The following KCNK13 variants were observed in gnomAD, a reference collection of about 807,000 sequenced individuals.
The protein encoded by KCNK13 is potassium channel subfamily K member 13.
Under a neutral mutation model 23.4 loss-of-function variants are expected in KCNK13, and 12 were observed. That is an observed-to-expected ratio of 0.51 (90% confidence interval 0.33 to 0.83). The LOEUF (loss-of-function observed/expected upper bound fraction) is 0.83. KCNK13 is among the 40% of genes least tolerant of loss of function. The pLI, the probability that KCNK13 is intolerant of heterozygous loss-of-function variation, is 0.02. For missense variants in KCNK13, 463 were observed against 556.3 expected (o/e 0.83, Z 1.69); for synonymous variants, 231 against 229.5 (o/e 1.01, Z -0.06).
At chr14:90,137,824 G>T (rs1436884999) in intron 1 of KCNK13, among the ~76,000 whole-genome samples, 1 of 152,182 alleles carries the variant, frequency 6.6e-6, no homozygotes, top group Non-Finnish European at 1.5e-5. Context: ...GTAATAAGTT[G>T]CTTACACACA....
intron 1 of KCNK13, among the ~76,000 whole-genome samples, chr14:90,104,494 C>A (rs774616033): frequency 8.5e-5 from 13 of 152,188 alleles, no homozygotes; most frequent in Non-Finnish European, 1.6e-4. Context: ...TTGTCCCTGT[C>A]ACACATACAT....
At chr14:90,155,796 A>C (rs963632251) in intron 1 of KCNK13, among the ~76,000 whole-genome samples, 1 of 152,178 alleles carries the variant, frequency 6.6e-6, no homozygotes, top group Non-Finnish European at 1.5e-5. Context: ...AAGGAATTCC[A>C]TTTTGGACCT....
At chr14:90,175,226 C>T (rs1057000656) in intron 1 of KCNK13, among the ~76,000 whole-genome samples, 5 of 152,142 alleles carry the variant, frequency 3.3e-5, no homozygotes, top group African/African-American at 1.2e-4. Flanking sequence ...ACCTAGGTAC[C>T]TGGAATTTCC....
chr14:90,065,825 C>A (rs1266409429), intron 1 of KCNK13, among the ~76,000 whole-genome samples: 1 of 152,090 alleles, frequency 6.6e-6, no homozygotes, highest in Non-Finnish European at 1.5e-5. Flanking sequence ...TAACACGATC[C>A]CAAGGAATGG....
intron 1 of KCNK13, among the ~76,000 whole-genome samples, chr14:90,152,679 G>A (rs1365849185): frequency 6.6e-6 from 1 of 152,162 alleles, no homozygotes; most frequent in Non-Finnish European, 1.5e-5. Context: ...TTAGCAGTGT[G>A]AGAATGGTCT....
intron 1 of KCNK13, among the ~76,000 whole-genome samples, chr14:90,095,316 A>G (rs772310958): frequency 1.3e-5 from 2 of 151,976 alleles, no homozygotes; most frequent in Non-Finnish European, 2.9e-5. Flanking sequence ...CTAGGAAACT[A>G]AAAAAAATGT....
At position 90,184,312 on chromosome 14, in the gene KCNK13, C is replaced by T. The variant is rs537906670; in HGVS notation, c.536C>T (p.Ala179Val). The T allele has an allele frequency of 1.5e-5, 25 of 1,614,104 alleles. No individual in the cohort carries two copies. The highest frequency in any genetic ancestry group is 6.7e-5 in the African/African-American group (5 of 74,946). Residue 179 changes from alanine (A) to valine (V), a missense_variant, in exon 2 of 2, where the codon GCG (alanine) becomes GTG (valine). Physicochemically the swap from Ala to Val is moderately conservative, Grantham distance 64. Coordinates refer to ENST00000282146, the MANE Select transcript of KCNK13 (RefSeq NM_022054.4). This position sits in a 1 kb window ranked among gnomAD's most constrained non-coding sequence, Gnocchi z 5.6. ...GALPQESLKD[A>V]GQCEVDSLAG... is the part of the protein sequence containing the mutation. ...CTGCCCCAGGAGAGCCTGAAGGATGCGGGGCAGTGTGAGGTGGACAGCCTG... is the reference window on the plus strand; with the variant it reads ...CTGCCCCAGGAGAGCCTGAAGGATGTGGGGCAGTGTGAGGTGGACAGCCTG...
intron 1 of KCNK13, among the ~76,000 whole-genome samples, chr14:90,125,629 GCACA>G (rs957912216): frequency 7.9e-6 from 1 of 126,900 alleles, no homozygotes; most frequent in South Asian, 2.7e-4. Context: ...ACACACACGC[GCACA>G]CACACACAAT....
At chr14:90,070,497 A>G (rs563151581) in intron 1 of KCNK13, among the ~76,000 whole-genome samples, 52 of 152,344 alleles carry the variant, frequency 3.4e-4, no homozygotes, top group African/African-American at 1.2e-3. Context: ...CCCTGTCTAA[A>G]GACTGAATGT....
At position 90,184,723 on chromosome 14, in the gene KCNK13, C is replaced by A. The variant is rs1359369711; in HGVS notation, c.947C>A (p.Pro316Gln). The change falls in exon 2 of 2, where the codon CCA becomes CAA. Residue 316 changes from proline to glutamine, a missense_variant. Coordinates refer to ENST00000282146, the MANE Select transcript of KCNK13 (RefSeq NM_022054.4). This position sits in a 1 kb window ranked among gnomAD's most constrained non-coding sequence, Gnocchi z 5.6. ...CGATCACGCAGGAACGTGGTGATGCCAGGCAGCGTCCGGAACCGCTGCAAC... is the reference window on the plus strand; with the variant it reads ...CGATCACGCAGGAACGTGGTGATGCAAGGCAGCGTCCGGAACCGCTGCAAC... ...LLRSRRNVVM[P>Q]GSVRNRCNIS... The A allele has an allele frequency of 1.2e-6, 2 of 1,614,176 alleles. No individual in the cohort carries two copies. The highest frequency in any genetic ancestry group is 3.3e-5 in the Admixed American group (2 of 60,032).
At chr14:90,171,526 C>T (rs1406360799) in intron 1 of KCNK13, among the ~76,000 whole-genome samples, 1 of 152,196 alleles carries the variant, frequency 6.6e-6, no homozygotes, top group East Asian at 1.9e-4. Context: ...GCCTGTGATG[C>T]AGCCTCAGGA....
chr14:90,166,430 G>A (rs552682832), intron 1 of KCNK13, among the ~76,000 whole-genome samples: 1 of 152,332 alleles, frequency 6.6e-6, no homozygotes, highest in South Asian at 2.1e-4. Flanking sequence ...GGGTTGCCGG[G>A]CGCAGTGGCT....
chr14:90,069,719 G>T, intron 1 of KCNK13, among the ~76,000 whole-genome samples: 1 of 152,054 alleles, frequency 6.6e-6, no homozygotes, highest in East Asian at 1.9e-4. Flanking sequence ...TACATTAATG[G>T]ATGTTATGCA....
At chr14:90,170,043 C>T (rs1890346659) in intron 1 of KCNK13, among the ~76,000 whole-genome samples, 1 of 152,004 alleles carries the variant, frequency 6.6e-6, no homozygotes, top group Non-Finnish European at 1.5e-5. Flanking sequence ...GCCTGCTGGC[C>T]CACTCCCAAA....
chr14:90,144,591 G>C (rs1414673962), intron 1 of KCNK13, among the ~76,000 whole-genome samples: 1 of 141,704 alleles, frequency 7.1e-6, no homozygotes, highest in Non-Finnish European at 1.5e-5. Flanking sequence ...CTGCCTCCCA[G>C]GTTCAAGCCT....
At chr14:90,163,565 A>AT (rs1462011815) in intron 1 of KCNK13, among the ~76,000 whole-genome samples, 1 of 152,232 alleles carries the variant, frequency 6.6e-6, no homozygotes, top group Non-Finnish European at 1.5e-5. Flanking sequence ...CCCACTGAGC[A>AT]TAACAGTGTG....
intron 1 of KCNK13, among the ~76,000 whole-genome samples, chr14:90,169,622 A>G (rs1057485481): frequency 1.3e-5 from 2 of 152,202 alleles, no homozygotes; most frequent in Non-Finnish European, 2.9e-5. Context: ...TAGGATATTC[A>G]TAGAACTTTA....
chr14:90,169,119 T>C (rs1053867094), intron 1 of KCNK13, among the ~76,000 whole-genome samples: 14 of 152,258 alleles, frequency 9.2e-5, no homozygotes, highest in African/African-American at 3.4e-4. Context: ...ATTCACCTTT[T>C]ATATGCAGTA....
intron 1 of KCNK13, among the ~76,000 whole-genome samples, chr14:90,143,011 T>C (rs1279826992): frequency 6.6e-6 from 1 of 152,204 alleles, no homozygotes; most frequent in African/African-American, 2.4e-5. Flanking sequence ...GTTACGTAGA[T>C]TCCTCTGGTG....
Sources: allele counts gnomAD v4.1 joint callset (sites outside exome capture counted in the v4.1 genomes callset), GRCh38; gene constraint gnomAD v4.1.1; non-coding constraint Gnocchi (gnomAD v3.1); transcripts MANE v1.5; gene names NCBI Gene and HGNC (gene_info 2026-07-23, HGNC 2026-07-21).